The following TPRG1 variants were observed in gnomAD, a reference collection of about 807,000 sequenced individuals.
TPRG1 encodes tumor protein p63 regulated 1, also known as tumor protein p63-regulated gene 1 protein.
Under a neutral mutation model 29.3 loss-of-function variants are expected in TPRG1, and 29 were observed. That is an observed-to-expected ratio of 0.99 (90% CI 0.74 to 1.35). The LOEUF is 1.35. TPRG1 is among the 40% of genes most tolerant of loss of function. The probability of loss-of-function intolerance (pLI) is 0.00; values close to 1 mark genes in which losing one functional copy is unlikely to be tolerated. For missense variants in TPRG1, 327 were observed against 335.0 expected (o/e 0.98, Z 0.19); for synonymous variants, 130 against 116.8 (o/e 1.11, Z -0.73).
chr3:189,183,443 AGG>A (rs1730507226), intron 1 of TPRG1, among the ~76,000 whole-genome samples: 2 of 152,276 alleles, frequency 1.3e-5, no homozygotes, highest in South Asian at 2.1e-4. Flanking sequence ...TATCAGGAGA[AGG>A]GTTTTGAGAG....
chr3:189,042,876 G>A (rs940684507), intron 4 of TPRG1, among the ~76,000 whole-genome samples: 2 of 152,128 alleles, frequency 1.3e-5, no homozygotes, highest in South Asian at 4.2e-4. Flanking sequence ...AGGTTGCGTG[G>A]TGGCTCACCA....
chr3:189,252,044 T>C (rs1035235043), intron 4 of TPRG1, among the ~76,000 whole-genome samples: 14 of 147,050 alleles, frequency 9.5e-5, no homozygotes, highest in Non-Finnish European at 1.5e-4. Flanking sequence ...TGCGGCCTTC[T>C]GCAGTGTTTG....
chr3:189,175,706 G>A (rs1334436857), intron 1 of TPRG1, among the ~76,000 whole-genome samples: 1 of 152,194 alleles, frequency 6.6e-6, no homozygotes, highest in Admixed American at 6.5e-5. Context: ...AGTAAGGCAA[G>A]GTGGTGCTAT....
intron 1 of TPRG1, among the ~76,000 whole-genome samples, chr3:189,118,807 G>C (rs958458512): frequency 5.3e-5 from 8 of 152,228 alleles, no homozygotes; most frequent in African/African-American, 1.9e-4. Context: ...AGGATGTATG[G>C]AAATGCCTGG....
intron 4 of TPRG1, among the ~76,000 whole-genome samples, chr3:189,028,489 T>A (rs1359163236): frequency 6.6e-6 from 1 of 152,152 alleles, no homozygotes; most frequent in Admixed American, 6.5e-5. Flanking sequence ...CAAAGAGGAA[T>A]TAGGATCGTG....
intron 1 of TPRG1, among the ~76,000 whole-genome samples, chr3:189,125,245 A>C (rs1025751539): frequency 2.0e-5 from 3 of 152,248 alleles, no homozygotes; most frequent in Admixed American, 6.5e-5. Context: ...GTTGTTCCAC[A>C]AACAAGACAT....
At chr3:189,049,466 C>T (rs1715176714) in intron 4 of TPRG1, among the ~76,000 whole-genome samples, 1 of 152,130 alleles carries the variant, frequency 6.6e-6, no homozygotes, top group South Asian at 2.1e-4. Context: ...GAATCTCACC[C>T]CCATACCCCA....
At chr3:189,229,066 T>C (rs1377844445) in intron 3 of TPRG1, among the ~76,000 whole-genome samples, 4 of 152,122 alleles carry the variant, frequency 2.6e-5, no homozygotes, top group Admixed American at 1.3e-4. Flanking sequence ...CGCACAAACA[T>C]GTATAGGACT....
Position 189,323,302 on chromosome 3 carries a change from C to G in TPRG1, c.*2482C>G, listed in dbSNP as rs1724470227. On this transcript the variant is annotated 3_prime_UTR_variant, in exon 6 of 6. Coordinates refer to ENST00000345063, the MANE Select transcript of TPRG1 (RefSeq NM_198485.4). ...CTTAGTTAATTAGACCCATTTTTTT[C>G]TTAGGAAAGAGTTGGATCAATCATG... 2 of 151,912 alleles carry G rather than the reference C, an allele frequency of 1.3e-5. No individual in the cohort carries two copies. The highest frequency in any genetic ancestry group is 4.8e-5 in the African/African-American group (2 of 41,380). The allele number at this position is 151,912 out of a possible 1,614,324, so 9.4% of individuals were successfully genotyped here. A position where few individuals can be genotyped will look rare whatever the true frequency, so the allele number is the denominator to read the frequency against.
intron 3 of TPRG1, among the ~76,000 whole-genome samples, chr3:189,140,745 A>C (rs911248015): frequency 6.6e-6 from 1 of 152,198 alleles, no homozygotes; most frequent in Non-Finnish European, 1.5e-5. Flanking sequence ...CAGGTATTTC[A>C]AGAGGGTAAT....
intron 4 of TPRG1, among the ~76,000 whole-genome samples, chr3:189,242,129 A>G (rs1259309280): frequency 3.3e-5 from 5 of 152,162 alleles, no homozygotes; most frequent in African/African-American, 1.2e-4. Context: ...AGAAGAAGGT[A>G]TGCAATCAAC....
At chr3:189,012,056 G>A (rs1712631818) in intron 3 of TPRG1, among the ~76,000 whole-genome samples, 1 of 152,016 alleles carries the variant, frequency 6.6e-6, no homozygotes, top group African/African-American at 2.4e-5. Flanking sequence ...GTTTTCTAGA[G>A]GTAGGATCAT....
intron 1 of TPRG1, among the ~76,000 whole-genome samples, chr3:189,197,220 C>T (rs1732685577): frequency 6.6e-6 from 1 of 152,208 alleles, no homozygotes; most frequent in African/African-American, 2.4e-5. Flanking sequence ...ACAAAGGCTA[C>T]TGCAGGTCTC....
At chr3:189,272,614 CTTCT>C (rs1338002481) in intron 4 of TPRG1, among the ~76,000 whole-genome samples, 2 of 138,378 alleles carry the variant, frequency 1.4e-5, no homozygotes, top group East Asian at 2.1e-4. Flanking sequence ...CTTCTCTTCT[CTTCT>C]TTCTTTCTTT....
At chr3:189,260,451 TG>T (rs1712803248) in intron 4 of TPRG1, among the ~76,000 whole-genome samples, 1 of 152,188 alleles carries the variant, frequency 6.6e-6, no homozygotes, top group South Asian at 2.1e-4. Context: ...ACTATATTAG[TG>T]TAGCAATTTT....
intron 1 of TPRG1, among the ~76,000 whole-genome samples, chr3:189,198,306 A>G (rs1194008011): frequency 6.6e-6 from 1 of 151,766 alleles, no homozygotes; most frequent in African/African-American, 2.4e-5. Flanking sequence ...CCCTCTTCCC[A>G]CTCACCATCT....
chr3:189,174,802 A>G (rs769514252), intron 1 of TPRG1, among the ~76,000 whole-genome samples: 23 of 152,252 alleles, frequency 1.5e-4, no homozygotes, highest in Non-Finnish European at 1.2e-4. Context: ...TTAGATGCCT[A>G]TAAAAGAATA....
chr3:189,260,129 G>A (rs1015082180), intron 4 of TPRG1, among the ~76,000 whole-genome samples: 7 of 152,160 alleles, frequency 4.6e-5, no homozygotes, highest in East Asian at 1.9e-4. Context: ...CAATCCATGC[G>A]TCGGTCTTCC....
At chr3:189,053,165 A>G (rs1715439623) in intron 4 of TPRG1, among the ~76,000 whole-genome samples, 1 of 152,204 alleles carries the variant, frequency 6.6e-6, no homozygotes, top group African/African-American at 2.4e-5. Flanking sequence ...TGGCTCCTAT[A>G]TCAGCACTTG....
Sources: allele counts gnomAD v4.1 joint callset (sites outside exome capture counted in the v4.1 genomes callset), GRCh38; gene constraint gnomAD v4.1.1; transcripts MANE v1.5; gene names NCBI Gene and HGNC (gene_info 2026-07-23, HGNC 2026-07-21).